The following SMG6 variants were observed in gnomAD, a reference collection of about 807,000 sequenced individuals.
SMG6 encodes SMG6 nonsense mediated mRNA decay factor.
SMG6 carries 66 observed loss-of-function variants against 142.2 expected under a neutral mutation model. That is an observed-to-expected ratio of 0.46 (90% confidence interval 0.38 to 0.57). The LOEUF is 0.57. Ranked by LOEUF, SMG6 falls within the 20% of genes least tolerant of loss-of-function variation. The probability of loss-of-function intolerance (pLI) is 0.00; values close to 1 mark genes in which losing one functional copy is unlikely to be tolerated. For synonymous variants in SMG6, 779 were observed against 702.4 expected (o/e 1.11, Z -1.72); for missense variants, 1,793 against 1,832.0 (o/e 0.98, Z 0.39).
intron 8 of SMG6, among the ~76,000 whole-genome samples, chr17:2,270,209 A>G (rs2074515996): frequency 6.6e-6 from 1 of 152,152 alleles, no homozygotes. Flanking sequence ...CAGTAGCAAT[A>G]GGGAAAAAAA....
intron 8 of SMG6, among the ~76,000 whole-genome samples, chr17:2,251,760 C>T (rs1413370654): frequency 1.3e-5 from 2 of 152,160 alleles, no homozygotes; most frequent in African/African-American, 2.4e-5. Flanking sequence ...GACAGCCGAG[C>T]TCAGAGTACC....
At position 2,224,915 on chromosome 17, in the gene SMG6, T is replaced by C. The variant is rs189481914; in HGVS notation, c.2869+11577A>G. Among the ~76,000 whole-genome samples the C allele has an allele frequency of 2.1e-3, 316 of 152,296 alleles. 2 individuals carry two copies. The highest frequency in any genetic ancestry group is 6.6e-3 in the African/African-American group (274 of 41,568). ...GCTTTCAAAAGAGAAACAAAACAGA[T>C]AGCTGACTTTAATCAACAACAGTGA... On this transcript the variant is annotated intron_variant, in intron 10 of 18. Coordinates refer to ENST00000263073, the MANE Select transcript of SMG6 (RefSeq NM_017575.5).
chr17:2,126,288 A>C lies in SMG6; in HGVS notation c.3358-40387T>G, dbSNP rs188614289. Among the ~76,000 whole-genome samples, 21 of 152,336 alleles carry C rather than the reference A, an allele frequency of 1.4e-4. No homozygotes were observed. The East Asian group carries it at 3.7e-3, about 27-fold the overall frequency. ...TGAACCCTTACCTAAGACCATATAC[A>C]AAAACAAATTCAAAATGGATCAAAG... On this transcript the variant is annotated intron_variant, in intron 13 of 18. Coordinates refer to ENST00000263073, the MANE Select transcript of SMG6 (RefSeq NM_017575.5).
At chr17:2,251,617 C>T (rs1290277894) in intron 8 of SMG6, among the ~76,000 whole-genome samples, 1 of 152,228 alleles carries the variant, frequency 6.6e-6, no homozygotes, top group African/African-American at 2.4e-5. Flanking sequence ...CAACTTTGCA[C>T]TGCAGTTTAG....
chr17:2,108,727 G>C (rs1443503256), intron 13 of SMG6, among the ~76,000 whole-genome samples: 1 of 151,978 alleles, frequency 6.6e-6, no homozygotes, highest in East Asian at 1.9e-4. Flanking sequence ...GATCACCTGA[G>C]GGTTAGGAGT....
chr17:2,235,246 A>G (rs527873026), intron 10 of SMG6, among the ~76,000 whole-genome samples: 1 of 152,318 alleles, frequency 6.6e-6, no homozygotes, highest in East Asian at 1.9e-4. Context: ...AAAGGCATCT[A>G]AGCCCCTGGA....
At chr17:2,237,809 A>T (rs901698550) in intron 9 of SMG6, among the ~76,000 whole-genome samples, 2 of 152,220 alleles carry the variant, frequency 1.3e-5, no homozygotes, top group African/African-American at 4.8e-5. Flanking sequence ...AGAAATAAAA[A>T]GCAAGTTCAA....
chr17:2,186,164 T>C (rs986610539), intron 12 of SMG6, among the ~76,000 whole-genome samples: 13 of 150,176 alleles, frequency 8.7e-5, no homozygotes, highest in African/African-American at 2.5e-4. Flanking sequence ...GAGGTGGAGG[T>C]TGCAGTGAGA....
chr17:2,111,811 C>G (rs546077855), intron 13 of SMG6, among the ~76,000 whole-genome samples: 28 of 152,300 alleles, frequency 1.8e-4, no homozygotes, highest in African/African-American at 6.5e-4. Context: ...GGAGAACAGG[C>G]TTTTCCAGCT....
intron 13 of SMG6, among the ~76,000 whole-genome samples, chr17:2,109,426 G>A (rs924114017): frequency 6.6e-6 from 1 of 152,132 alleles, no homozygotes; most frequent in Admixed American, 6.6e-5. Flanking sequence ...ACCACGCCTG[G>A]TTAATTTTTG....
chr17:2,299,027 G>A lies in SMG6; in HGVS notation c.1726C>T (p.Leu576=). 1.2e-6 allele frequency: 2 copies of A among 1,614,192 alleles called. No individual in the cohort carries two copies. The highest frequency in any genetic ancestry group is 2.2e-5 in the East Asian group (1 of 44,882). Residue 576 remains leucine, a synonymous_variant, in exon 2 of 19, where the codon CTG becomes TTG. Coordinates refer to ENST00000263073, the MANE Select transcript of SMG6 (RefSeq NM_017575.5). The surrounding 1 kb of genome is among the most constrained non-coding windows in gnomAD (Gnocchi z 4.3). ...PEEVEQHMRN[L]QQQELHRLLR... The stretch of plus-strand genomic sequence containing the variant: ...AGCCTGTGCAGCTCCTGTTGCTGCA[G>A]GTTCCTCATGTGCTGCTCTACCTCC...
chr17:2,167,651 G>A (rs1399823212), intron 13 of SMG6, among the ~76,000 whole-genome samples: 3 of 152,148 alleles, frequency 2.0e-5, no homozygotes, highest in African/African-American at 4.8e-5. Context: ...GAACTAGGAA[G>A]ATACCTGCCT....
In SMG6 at chr17:2,300,598, T is replaced by C. The variant is rs1466570558; in HGVS notation, c.155A>G (p.Tyr52Cys). The change falls in exon 2 of 19, where the codon TAT becomes TGT. Residue 52 changes from tyrosine to cysteine, a missense_variant. This residue lies in a region of SMG6 where 1,597 missense variants were observed against 1,584.6 expected (regional missense o/e 1.01). Transcript: ENST00000263073. ...KDNRRPDLEI[Y>C]KPGLSRLRNK... is the part of the protein sequence containing the mutation. ...CCTTAGCCGAGAAAGGCCAGGCTTA[T>C]AGATTTCCAGATCTGGACGCCTGTT... The C allele has an allele frequency of 9.3e-6, 15 of 1,613,376 alleles. No individual in the cohort carries two copies. Among genetic ancestry groups the C allele is most frequent in the East Asian group, 2.2e-5 (1 of 44,894 alleles).
intron 13 of SMG6, among the ~76,000 whole-genome samples, chr17:2,165,605 T>C (rs979789662): frequency 6.6e-6 from 1 of 152,222 alleles, no homozygotes; most frequent in Non-Finnish European, 1.5e-5. Flanking sequence ...ATATTCAATG[T>C]GTACAAACTC....
intron 13 of SMG6, among the ~76,000 whole-genome samples, chr17:2,103,073 T>C (rs1286846061): frequency 6.6e-6 from 1 of 152,258 alleles, no homozygotes; most frequent in Non-Finnish European, 1.5e-5. Context: ...AACTTGGTTA[T>C]TGTGACTAAT....
intron 8 of SMG6, among the ~76,000 whole-genome samples, chr17:2,258,939 G>A (rs960196973): frequency 6.6e-6 from 1 of 152,038 alleles, no homozygotes; most frequent in Non-Finnish European, 1.5e-5. Context: ...TGAGCACGGT[G>A]TGGTGGCATG....
intron 13 of SMG6, among the ~76,000 whole-genome samples, chr17:2,168,859 C>T (rs2071419266): frequency 6.6e-6 from 1 of 151,872 alleles, no homozygotes; most frequent in African/African-American, 2.4e-5. Flanking sequence ...AGCAATTCTC[C>T]TGTCTCAGCC....
intron 10 of SMG6, among the ~76,000 whole-genome samples, chr17:2,193,239 C>T (rs919682499): frequency 6.6e-6 from 1 of 152,206 alleles, no homozygotes; most frequent in South Asian, 2.1e-4. Context: ...GGGACTGCCC[C>T]ACTCTTTGCT....
intron 10 of SMG6, among the ~76,000 whole-genome samples, chr17:2,219,704 G>A (rs1300133639): frequency 1.3e-5 from 2 of 151,026 alleles, no homozygotes; most frequent in East Asian, 3.9e-4. Context: ...TGGGAGGACT[G>A]CTTGAGCCTA....
Sources: gnomAD v4.1 joint callset for allele counts (sites outside exome capture counted in the v4.1 genomes callset) on GRCh38, gnomAD v4.1.1 for gene constraint, gnomAD v4.1.1 regional missense constraint, Gnocchi (gnomAD v3.1) non-coding constraint, MANE v1.5 for transcripts, NCBI Gene and HGNC (gene_info 2026-07-23, HGNC 2026-07-21) for gene names.